IGF2BP2: variants seen among roughly 807,000 people sequenced by gnomAD.
IGF2BP2 encodes insulin like growth factor 2 mRNA binding protein 2.
IGF2BP2 carries 17 observed loss-of-function variants against 75.8 expected under a neutral mutation model. The ratio of observed to expected loss-of-function variants is 0.22; its 90% confidence interval spans 0.15 to 0.34. IGF2BP2 has a LOEUF of 0.34. Among genes scored for constraint, IGF2BP2 ranks in the 10% least tolerant of loss-of-function variants. The pLI is 1.00. For missense variants in IGF2BP2, 516 were observed against 772.4 expected, an observed-to-expected ratio of 0.67 and a Z score of 3.93; for synonymous variants, 288 against 295.6, an observed-to-expected ratio of 0.97 and a Z score of 0.26.
intron 2 of IGF2BP2, among the ~76,000 whole-genome samples, chr3:185,766,078 C>T (rs1733005103): frequency 1.3e-5 from 2 of 152,238 alleles, no homozygotes; most frequent in South Asian, 4.2e-4. Flanking sequence ...GTTCTAAGAA[C>T]CCGATGGCTG....
intron 2 of IGF2BP2, among the ~76,000 whole-genome samples, chr3:185,720,144 GGAGT>G (rs1425877235): frequency 6.6e-6 from 1 of 152,172 alleles, no homozygotes; most frequent in East Asian, 1.9e-4. Flanking sequence ...CTGCCTTCCA[GGAGT>G]CTTCAGTCTC....
chr3:185,739,583 G>T (rs1170401763), intron 2 of IGF2BP2, among the ~76,000 whole-genome samples: 3 of 152,114 alleles, frequency 2.0e-5, no homozygotes, highest in Non-Finnish European at 2.9e-5. Flanking sequence ...CAGACACACT[G>T]ATGCTGTCCC....
chr3:185,737,983 T>A (rs1427037770), intron 2 of IGF2BP2, among the ~76,000 whole-genome samples: 1 of 152,228 alleles, frequency 6.6e-6, no homozygotes, highest in African/African-American at 2.4e-5. Context: ...TCCAAATAGT[T>A]TCCCAGAAAG....
chr3:185,774,078 C>G (rs1734222092), intron 2 of IGF2BP2, among the ~76,000 whole-genome samples: 1 of 152,128 alleles, frequency 6.6e-6, no homozygotes, highest in Non-Finnish European at 1.5e-5. Flanking sequence ...CAGTGCTGAA[C>G]ACAATTTTCT....
rs941295279 is a variant in IGF2BP2 at position 185,643,287 on chromosome 3, C to T, written c.*2244G>A. On this transcript the variant is annotated 3_prime_UTR_variant, in exon 16 of 16. Transcript: ENST00000382199. ...AACTGCCGGGCATATTATCCTCCCC[C>T]TTTCCTCCACTTAAAAAGCAGCTTT... 1.3e-5 allele frequency among the ~76,000 whole-genome samples: 2 copies of T among 152,182 alleles called. No homozygotes were observed. The highest frequency in any genetic ancestry group is 6.5e-5 in the Admixed American group (1 of 15,286).
At chr3:185,715,781 T>C (rs1725518334) in intron 2 of IGF2BP2, among the ~76,000 whole-genome samples, 1 of 152,124 alleles carries the variant, frequency 6.6e-6, no homozygotes, top group African/African-American at 2.4e-5. Flanking sequence ...GTAGCTGGGA[T>C]TACCAGCACC....
At chr3:185,752,374 T>C (rs1050153210) in intron 2 of IGF2BP2, among the ~76,000 whole-genome samples, 1 of 152,200 alleles carries the variant, frequency 6.6e-6, no homozygotes, top group East Asian at 1.9e-4. Flanking sequence ...AAAAAAACAT[T>C]TAAATTACTT....
At chr3:185,787,333 GA>G (rs1164418130) in intron 2 of IGF2BP2, among the ~76,000 whole-genome samples, 1 of 151,866 alleles carries the variant, frequency 6.6e-6, no homozygotes, top group Non-Finnish European at 1.5e-5. Flanking sequence ...ATCACTTAAA[GA>G]AATAAAAAAT....
intron 2 of IGF2BP2, among the ~76,000 whole-genome samples, chr3:185,806,492 A>G (rs1739049794): frequency 6.6e-6 from 1 of 152,220 alleles, no homozygotes; most frequent in South Asian, 2.1e-4. Context: ...ACTTCACATA[A>G]CTATCATGTT....
At chr3:185,800,741 A>AGAAAGAAAGAAAGAAAGAACGAAC (rs1553893969) in intron 2 of IGF2BP2, among the ~76,000 whole-genome samples, 4 of 151,610 alleles carry the variant, frequency 2.6e-5, no homozygotes, top group African/African-American at 9.7e-5. Context: ...AAAGAAAGAA[A>AGAAAGAAAGAAAGAAAGAACGAAC]GTACTTGCTG....
intron 2 of IGF2BP2, among the ~76,000 whole-genome samples, chr3:185,750,582 T>C (rs1219524074): frequency 6.6e-6 from 1 of 152,032 alleles, no homozygotes; most frequent in Non-Finnish European, 1.5e-5. Flanking sequence ...CGTAGATCAC[T>C]TGTAATCCAG....
chr3:185,811,036 T>C (rs1030677716), intron 2 of IGF2BP2, among the ~76,000 whole-genome samples: 3 of 152,138 alleles, frequency 2.0e-5, no homozygotes, highest in East Asian at 1.9e-4. Context: ...CATAAACTTA[T>C]AGGACAGTCA....
intron 2 of IGF2BP2, among the ~76,000 whole-genome samples, chr3:185,754,502 T>A (rs1342362304): frequency 2.6e-5 from 4 of 152,088 alleles, no homozygotes; most frequent in Non-Finnish European, 5.9e-5. Context: ...GCTATAAAGA[T>A]AAAGAAAGAC....
intron 2 of IGF2BP2, among the ~76,000 whole-genome samples, chr3:185,703,585 CATGGTGAAACCCTATCTCTATCAAAA>C (rs1309386872): frequency 6.6e-6 from 1 of 151,774 alleles, no homozygotes; most frequent in Admixed American, 6.6e-5. Context: ...GCCTGGCCAA[CATGGTGAAACCCTATCTCTATCAAAA>C]ACATAAAAAT....
At chr3:185,677,068 T>TATATATATATAGAGAGAGAGAGAGAGAG in intron 7 of IGF2BP2, among the ~76,000 whole-genome samples, 7 of 35,858 alleles carry the variant, frequency 2.0e-4, no homozygotes, top group South Asian at 2.2e-3. Context: ...TATATATATA[T>TATATATATATAGAGAGAGAGAGAGAGAG]AGAGAGAGAG....
At chr3:185,712,292 A>C (rs1230526239) in intron 2 of IGF2BP2, among the ~76,000 whole-genome samples, 1 of 152,236 alleles carries the variant, frequency 6.6e-6, no homozygotes, top group Non-Finnish European at 1.5e-5. Context: ...ATACTTATGA[A>C]AATGCAAACA....
chr3:185,784,259 TA>T (rs1735576876), intron 2 of IGF2BP2, among the ~76,000 whole-genome samples: 1 of 107,318 alleles, frequency 9.3e-6, no homozygotes, highest in East Asian at 2.3e-4. Context: ...AGTAGATAGA[TA>T]GATAGATAGA....
intron 2 of IGF2BP2, among the ~76,000 whole-genome samples, chr3:185,698,950 G>A (rs35693823): frequency 0.11 from 15,992 of 152,218 alleles, 1,128 homozygotes; most frequent in Middle Eastern, 0.2. Flanking sequence ...AAGTAGCTGG[G>A]ATTACAGGCA....
At chr3:185,703,852 G>A (rs1723644484) in intron 2 of IGF2BP2, among the ~76,000 whole-genome samples, 1 of 152,114 alleles carries the variant, frequency 6.6e-6, no homozygotes, top group South Asian at 2.1e-4. Flanking sequence ...TAGTTTTCAG[G>A]CATATGGTCT....
Sources: allele counts gnomAD v4.1 joint callset (sites outside exome capture counted in the v4.1 genomes callset), GRCh38; gene constraint gnomAD v4.1.1; transcripts MANE v1.5; gene names NCBI Gene and HGNC (gene_info 2026-07-23, HGNC 2026-07-21).